The following CDYL variants were observed in gnomAD, a reference collection of about 807,000 sequenced individuals.
CDYL encodes the protein chromodomain Y-like protein.
A neutral mutation model predicts 47.3 loss-of-function variants in CDYL; 8 were observed. That is an observed-to-expected ratio of 0.17 (90% CI 0.10 to 0.31). The LOEUF (loss-of-function observed/expected upper bound fraction) is 0.31. Among genes scored for constraint, CDYL ranks in the 10% least tolerant of loss-of-function variants. The pLI is 1.00. For synonymous variants in CDYL, 266 were observed against 265.0 expected (o/e 1.00, Z -0.04); for missense variants, 471 against 701.4 (o/e 0.67, Z 3.71).
chr6:4,710,190 C>G (rs1041730616), intron 1 of CDYL, among the ~76,000 whole-genome samples: 1 of 152,096 alleles, frequency 6.6e-6, no homozygotes, highest in Admixed American at 6.5e-5. Context: ...CCATTGCACT[C>G]TAGCTTGGGC....
At position 4,900,779 on chromosome 6, in the gene CDYL, G is replaced by GTGTGTGTATATATATATATATA; in HGVS notation, c.691+8401_691+8402insGTGTGTATATATATATATATAT. On this transcript the variant is annotated intron_variant, in intron 2 of 6. Transcript: ENST00000397588. ...TCTTCTGTTAATTCCGTATACGTGT[G>GTGTGTGTATATATATATATATA]TATATATATATATATATATATATAT... 3.9e-4 allele frequency among the ~76,000 whole-genome samples: 20 copies of GTGTGTGTATATATATATATATA among 51,678 alleles called. 1 individual carries two copies. The highest frequency in any genetic ancestry group is 5.0e-4 in the Non-Finnish European group (12 of 24,154). The allele number at this position is 51,678 out of a possible 152,430, so 33.9% of individuals were successfully genotyped here.
intron 1 of CDYL, among the ~76,000 whole-genome samples, chr6:4,859,961 G>C (rs186516036): frequency 6.6e-6 from 1 of 151,498 alleles, no homozygotes; most frequent in African/African-American, 2.4e-5. Context: ...GAGTGCAGTG[G>C]CGCAATCTCG....
chr6:4,835,068 A>G lies in CDYL; in HGVS notation c.25-56645A>G, dbSNP rs544869477. 1.4e-3 allele frequency among the ~76,000 whole-genome samples: 219 copies of G among 151,744 alleles called. 4 individuals carry two copies. Among genetic ancestry groups the G allele is most frequent in the African/African-American group, 2.6e-3 (106 of 41,346 alleles). ...GATCGTCTGAAGCCTTCTTTTCTCA[A>G]CTCGTCAAAGTCATTCTCCGTCCAG... On this transcript the variant is annotated intron_variant, in intron 1 of 6. Transcript: ENST00000397588.
At chr6:4,707,422 C>G (rs1332046160) in intron 1 of CDYL, among the ~76,000 whole-genome samples, 1 of 152,190 alleles carries the variant, frequency 6.6e-6, no homozygotes, top group African/African-American at 2.4e-5. Context: ...GGACTACAGG[C>G]ATGTGACACC....
intron 2 of CDYL, chr6:4,724,589 G>A (rs73717716): frequency 0.017 from 2,579 of 152,520 alleles, 88 homozygotes; most frequent in African/African-American, 0.06. Context: ...TCTGCTGCTC[G>A]GATGTGTTTG....
intron 2 of CDYL, among the ~76,000 whole-genome samples, chr6:4,901,868 A>G (rs555887450): frequency 7.9e-5 from 12 of 152,186 alleles, no homozygotes; most frequent in African/African-American, 2.9e-4. Flanking sequence ...CATCATTCTC[A>G]TACCCCACCC....
chr6:4,867,432 A>G (rs1189687759), intron 1 of CDYL, among the ~76,000 whole-genome samples: 5 of 152,096 alleles, frequency 3.3e-5, no homozygotes, highest in Non-Finnish European at 7.4e-5. Context: ...AGTCTTTCAC[A>G]TTAAGTACGT....
intron 1 of CDYL, among the ~76,000 whole-genome samples, chr6:4,780,836 G>GA (rs1758599396): frequency 5.3e-5 from 8 of 152,170 alleles, no homozygotes; most frequent in Admixed American, 5.2e-4. Context: ...TATCACCAGA[G>GA]AAAGCTGTGA....
At chr6:4,889,101 A>C (rs1761971103) in intron 1 of CDYL, among the ~76,000 whole-genome samples, 1 of 152,184 alleles carries the variant, frequency 6.6e-6, no homozygotes, top group Non-Finnish European at 1.5e-5. Flanking sequence ...TAATGTTTCC[A>C]TCACAATAAT....
chr6:4,882,371 A>G (rs1761786995), intron 1 of CDYL, among the ~76,000 whole-genome samples: 1 of 152,118 alleles, frequency 6.6e-6, no homozygotes, highest in Admixed American at 6.5e-5. Flanking sequence ...GCTGCCTGCT[A>G]ATGAGGGGAA....
chr6:4,789,160 C>G (rs1008921022), intron 1 of CDYL, among the ~76,000 whole-genome samples: 2 of 152,226 alleles, frequency 1.3e-5, no homozygotes, highest in African/African-American at 4.8e-5. Flanking sequence ...ACTGCAGCCT[C>G]TGTCTCCTGG....
In CDYL at chr6:4,893,602, A is replaced by G. The variant is rs58584297; in HGVS notation, c.691+1223A>G. On this transcript the variant is annotated intron_variant, in intron 2 of 6. Coordinates refer to ENST00000397588, the MANE Select transcript of CDYL (RefSeq NM_004824.4). ...CGGCTGCTCAGGAGGGTGAGGCACA[A>G]GAATCGCTTGAACCCAGGAAGCAGA... is the stretch of plus-strand genomic sequence containing the variant. 1.0e-3 allele frequency among the ~76,000 whole-genome samples: 156 copies of G among 152,234 alleles called. 1 individual carries two copies. In the East Asian group the frequency reaches 0.024, roughly 24 times the overall value.
chr6:4,895,111 C>T (rs1404162151), intron 2 of CDYL, among the ~76,000 whole-genome samples: 1 of 149,342 alleles, frequency 6.7e-6, no homozygotes, highest in Non-Finnish European at 1.5e-5. Flanking sequence ...GTATATGTAT[C>T]TATATGCATA....
chr6:4,815,052 C>G (rs533274599), intron 1 of CDYL, among the ~76,000 whole-genome samples: 1 of 152,020 alleles, frequency 6.6e-6, no homozygotes, highest in East Asian at 1.9e-4. Context: ...CTCTTCAATC[C>G]CAAAGTCCGA....
At chr6:4,929,986 G>C (rs1757987426) in intron 2 of CDYL, among the ~76,000 whole-genome samples, 1 of 152,046 alleles carries the variant, frequency 6.6e-6, no homozygotes, top group South Asian at 2.1e-4. Context: ...GAAATTGTTA[G>C]TTGTATATCA....
chr6:4,892,128 G>A lies in CDYL; in HGVS notation c.440G>A (p.Ser147Asn), dbSNP rs367906819. Residue 147 changes from serine to asparagine, a missense_variant, in exon 2 of 7, where the codon AGC becomes AAC. Transcript: ENST00000397588. ...GGTATCAAGATCCTCGTGCCTAAAA[G>A]CCCCGTTAAGAGCAGGACCGCAGTG... ...KSGIKILVPK[S>N]PVKSRTAVDG... 9.5e-5 allele frequency: 154 copies of A among 1,614,110 alleles called. No homozygotes were observed. Among genetic ancestry groups the A allele is most frequent in the Non-Finnish European group, 1.3e-4 (151 of 1,180,054 alleles).
chr6:4,866,112 AAATTTGAATTCAATAT>A (rs1761312803), intron 1 of CDYL, among the ~76,000 whole-genome samples: 1 of 152,166 alleles, frequency 6.6e-6, no homozygotes, highest in Non-Finnish European at 1.5e-5. Flanking sequence ...CGCATTTTGG[AAATTTGAATTCAATAT>A]AACTTGTGGG....
chr6:4,935,488 A>T (rs1758162362), intron 2 of CDYL, 27 bp from the exon 3 acceptor site: 2 of 1,596,674 alleles, frequency 1.3e-6, no homozygotes, highest in Non-Finnish European at 8.6e-7. Flanking sequence ...GACATCACAG[A>T]CTACTGTGAT....
exon 3 of CDYL, chr6:4,734,814 A>G (rs141237396): frequency 6.2e-7 from 1 of 1,614,156 alleles, no homozygotes. Flanking sequence ...GCAGTGAGCA[A>G]AGCGGGGCAC....
Sources: gnomAD v4.1 joint callset for allele counts (sites outside exome capture counted in the v4.1 genomes callset) on GRCh38, gnomAD v4.1.1 for gene constraint, MANE v1.5 for transcripts, NCBI Gene and HGNC (gene_info 2026-07-23, HGNC 2026-07-21) for gene names.